Variants in TNRC6B observed in about 807,000 individuals in gnomAD.
TNRC6B encodes trinucleotide repeat containing adaptor 6B.
TNRC6B carries 52 observed loss-of-function variants against 203.6 expected under a neutral mutation model. That is an observed-to-expected ratio of 0.26 (90% CI 0.20 to 0.32). The LOEUF is 0.32. TNRC6B is among the 10% of genes least tolerant of loss of function. The pLI, the probability that TNRC6B is intolerant of heterozygous loss-of-function variation, is 1.00. For synonymous variants in TNRC6B, 838 were observed against 845.7 expected, an observed-to-expected ratio of 0.99 and a Z score of 0.16; for missense variants, 1,923 against 2,286.2, an observed-to-expected ratio of 0.84 and a Z score of 3.24.
chr22:40,154,182 G>C (rs1208644697), intron 3 of TNRC6B, among the ~76,000 whole-genome samples: 1 of 151,974 alleles, frequency 6.6e-6, no homozygotes, highest in Non-Finnish European at 1.5e-5. Context: ...TAAAAGCATG[G>C]GCTGGGCGCA....
chr22:40,102,170 A>G (rs5995812), intron 1 of TNRC6B, among the ~76,000 whole-genome samples: 3,706 of 152,294 alleles, frequency 0.024, 145 homozygotes, highest in African/African-American at 0.084. Flanking sequence ...ATTATATACT[A>G]TGCTTTCTGA....
At chr22:40,131,343 G>GATTAGGATTAT (rs1376839583) in intron 3 of TNRC6B, among the ~76,000 whole-genome samples, 1 of 151,822 alleles carries the variant, frequency 6.6e-6, no homozygotes, top group Admixed American at 6.6e-5. Flanking sequence ...TTCAGAGATG[G>GATTAGGATTAT]ATTAGGATTA....
chr22:40,265,920 T>C lies in TNRC6B; in HGVS notation c.1690T>C (p.Ser564Pro). 6.2e-7 allele frequency: 1 copy of C among 1,613,916 alleles called. No individual in the cohort carries two copies. Among genetic ancestry groups the C allele is most frequent in the Non-Finnish European group, 8.5e-7 (1 of 1,179,868 alleles). Residue 564 changes from serine (S) to proline (P), a missense_variant, in exon 5 of 23, where the codon TCC (serine) becomes CCC (proline). By Grantham distance (74) the Ser-to-Pro change is moderately conservative. Transcript: ENST00000454349. ...QAPCWGRSSS[S>P]TGSEVGGQST... ...TCCCTGTTGGGGAAGATCTTCCAGC[T>C]CCACAGGAAGTGAAGTTGGAGGTCA... is the stretch of plus-strand genomic sequence containing the variant.
chr22:40,135,073 A>G (rs1181581889), intron 3 of TNRC6B, among the ~76,000 whole-genome samples: 2 of 152,200 alleles, frequency 1.3e-5, no homozygotes, highest in Admixed American at 1.3e-4. Context: ...GACCAACTTG[A>G]GGCTGTTGAC....
intron 1 of TNRC6B, among the ~76,000 whole-genome samples, chr22:40,075,156 ATTTTTTTTTTT>A (rs58240994): frequency 1.7e-4 from 6 of 35,564 alleles, no homozygotes; most frequent in South Asian, 1.0e-3. Flanking sequence ...ATATATATAT[ATTTTTTTTTTT>A]TTTTTTTTTT....
chr22:40,298,061 C>G (rs921717158), intron 12 of TNRC6B, among the ~76,000 whole-genome samples: 2 of 151,828 alleles, frequency 1.3e-5, no homozygotes, highest in Non-Finnish European at 2.9e-5. Flanking sequence ...GGAGGTGGAG[C>G]TTGCAGTGAG....
At chr22:40,175,421 A>T (rs1427118829), upstream of TNRC6B, among the ~76,000 whole-genome samples, 1 of 152,212 alleles carries the variant, frequency 6.6e-6, no homozygotes, top group East Asian at 1.9e-4. Flanking sequence ...TATTTAAAAT[A>T]TGTTTGTTCT....
intron 3 of TNRC6B, among the ~76,000 whole-genome samples, chr22:40,258,071 CTTTTTTTT>C (rs56078653): frequency 4.9e-4 from 14 of 28,702 alleles, no homozygotes; most frequent in East Asian, 3.7e-3. Flanking sequence ...GATACACAGC[CTTTTTTTT>C]TTTTTTTTTT....
At chr22:40,175,944 G>A (rs778890864), upstream of TNRC6B, among the ~76,000 whole-genome samples, 1 of 152,204 alleles carries the variant, frequency 6.6e-6, no homozygotes, top group Non-Finnish European at 1.5e-5. Context: ...AACAAGTGTT[G>A]TGGGATTTTA....
chr22:40,280,275 A>G, intron 10 of TNRC6B, 132 bp downstream of exon 10: 2 of 840,154 alleles, frequency 2.4e-6, no homozygotes, highest in South Asian at 3.8e-5. Context: ...CATCACCTGC[A>G]TTAACGTGGT....
intron 4 of TNRC6B, among the ~76,000 whole-genome samples, chr22:40,157,348 T>A (rs529239119): frequency 6.6e-6 from 1 of 152,312 alleles, no homozygotes; most frequent in East Asian, 1.9e-4. Flanking sequence ...CTTCTCTCAT[T>A]CATATTTTTT....
intron 1 of TNRC6B, among the ~76,000 whole-genome samples, chr22:40,092,184 C>G (rs1353050196): frequency 6.6e-6 from 1 of 152,144 alleles, no homozygotes; most frequent in Non-Finnish European, 1.5e-5. Context: ...AGCTGGATCA[C>G]TTGAGGTCAG....
At chr22:40,132,644 C>CAAA (rs35771828) in intron 3 of TNRC6B, among the ~76,000 whole-genome samples, 2 of 65,040 alleles carry the variant, frequency 3.1e-5, no homozygotes, top group African/African-American at 1.1e-4. Context: ...GACTCCATCT[C>CAAA]AAAAAAAAAA....
chr22:40,151,789 G>GAGAA (rs1018385496), intron 3 of TNRC6B, among the ~76,000 whole-genome samples: 2 of 149,794 alleles, frequency 1.3e-5, no homozygotes, highest in African/African-American at 4.9e-5. Flanking sequence ...CACAAAAATG[G>GAGAA]AGAAAGAAAG....
In TNRC6B at chr22:40,260,201, C is replaced by CTT. The variant is rs5845452; in HGVS notation, c.116-1618_116-1617dup. 7.5e-3 allele frequency among the ~76,000 whole-genome samples: 1,106 copies of CTT among 146,638 alleles called. 17 individuals carry two copies. Among genetic ancestry groups the CTT allele is most frequent in the South Asian group, 0.063 (290 of 4,612 alleles). ...TATTTTAAAGAATTGGGAAGAAACACTTTTTTTTTTTTTTAAAGAAAAGCA... is the reference window on the plus strand; with the variant it reads ...TATTTTAAAGAATTGGGAAGAAACACTTTTTTTTTTTTTTTTAAAGAAAAGCA... On this transcript the variant is annotated intron_variant, in intron 3 of 22. Transcript: ENST00000454349.
chr22:40,171,000 T>C (rs565626291), intron 4 of TNRC6B, among the ~76,000 whole-genome samples: 6 of 144,484 alleles, frequency 4.2e-5, no homozygotes, highest in African/African-American at 7.6e-5. Flanking sequence ...TGTATATATA[T>C]ACACATATAC....
intron 1 of TNRC6B, chr22:40,116,933 G>A (rs13057891): frequency 7.1e-4 from 109 of 152,458 alleles, no homozygotes; most frequent in Non-Finnish European, 9.1e-4. Flanking sequence ...GTTGGGCTGC[G>A]GGCCTAGAAA....
intron 1 of TNRC6B, among the ~76,000 whole-genome samples, chr22:40,187,729 C>G (rs972257822): frequency 1.3e-5 from 2 of 152,182 alleles, no homozygotes; most frequent in Non-Finnish European, 2.9e-5. Context: ...TCTCACTTTT[C>G]TCCGTTTAGC....
At chr22:40,057,941 C>T (rs969019586) in intron 1 of TNRC6B, among the ~76,000 whole-genome samples, 1 of 152,170 alleles carries the variant, frequency 6.6e-6, no homozygotes, top group African/African-American at 2.4e-5. Flanking sequence ...GTACCATGGA[C>T]AACAGATTTT....
Sources: gnomAD v4.1 joint callset for allele counts (sites outside exome capture counted in the v4.1 genomes callset) on GRCh38, gnomAD v4.1.1 for gene constraint, MANE v1.5 for transcripts, NCBI Gene and HGNC (gene_info 2026-07-23, HGNC 2026-07-21) for gene names.